The following ERBB4 variants were observed in gnomAD, a reference collection of about 807,000 sequenced individuals.
The protein encoded by ERBB4 is receptor tyrosine-protein kinase erbB-4.
ERBB4 carries 42 observed loss-of-function variants against 158.0 expected under a neutral mutation model. The ratio of observed to expected loss-of-function variants is 0.27; its 90% CI spans 0.21 to 0.34. The LOEUF (loss-of-function observed/expected upper bound fraction) is 0.34, where lower values mean the gene tolerates loss of function less well. Among genes scored for constraint, ERBB4 ranks in the 10% least tolerant of loss-of-function variants. ERBB4 has a pLI of 1.00. For synonymous variants in ERBB4, 583 were observed against 558.7 expected, an observed-to-expected ratio of 1.04 and a Z score of -0.61; for missense variants, 1,333 against 1,624.1, an observed-to-expected ratio of 0.82 and a Z score of 3.08.
At chr2:211,442,128 C>T (rs550234780) in intron 20 of ERBB4, among the ~76,000 whole-genome samples, 1 of 152,220 alleles carries the variant, frequency 6.6e-6, no homozygotes, top group African/African-American at 2.4e-5. Flanking sequence ...TCACCTTGAA[C>T]TCTATGGCCA....
At chr2:211,723,101 T>C (rs1575052097) in intron 6 of ERBB4, among the ~76,000 whole-genome samples, 1 of 152,352 alleles carries the variant, frequency 6.6e-6, no homozygotes, top group East Asian at 1.9e-4. Flanking sequence ...ACAGTTGGCC[T>C]GTAATTAAAT....
chr2:211,954,866 A>T (rs992105365), intron 2 of ERBB4, among the ~76,000 whole-genome samples: 1 of 152,096 alleles, frequency 6.6e-6, no homozygotes, highest in African/African-American at 2.4e-5. Flanking sequence ...ACATAGCATG[A>T]AAAAGTTTAC....
chr2:211,986,805 T>A (rs1007570163), intron 2 of ERBB4, among the ~76,000 whole-genome samples: 1 of 152,122 alleles, frequency 6.6e-6, no homozygotes, highest in Admixed American at 6.6e-5. Flanking sequence ...TTGCTGAAAA[T>A]TTTTACTAAT....
At chr2:211,729,905 G>T (rs748980306) in intron 5 of ERBB4, among the ~76,000 whole-genome samples, 1 of 151,606 alleles carries the variant, frequency 6.6e-6, no homozygotes, top group African/African-American at 2.4e-5. Context: ...TTTCATTGGC[G>T]GTATGCACTA....
At chr2:211,396,190 C>A (rs965579509) in intron 25 of ERBB4, among the ~76,000 whole-genome samples, 2 of 152,002 alleles carry the variant, frequency 1.3e-5, no homozygotes, top group African/African-American at 4.8e-5. Context: ...TGTGCATACA[C>A]ATGTATATGT....
At chr2:211,898,546 A>T (rs1235259911) in intron 3 of ERBB4, among the ~76,000 whole-genome samples, 1 of 152,174 alleles carries the variant, frequency 6.6e-6, no homozygotes, top group Non-Finnish European at 1.5e-5. Context: ...TCTATTCAAA[A>T]ACCATTTTCT....
intron 19 of ERBB4, among the ~76,000 whole-genome samples, chr2:211,612,507 G>A (rs1025655981): frequency 6.6e-6 from 1 of 151,940 alleles, no homozygotes; most frequent in Admixed American, 6.6e-5. Flanking sequence ...GCACACTTAA[G>A]CTGAGAAAAT....
At chr2:212,429,291 G>C (rs2091976677) in intron 1 of ERBB4, 1 of 152,014 alleles carries the variant, frequency 6.6e-6, no homozygotes, top group African/African-American at 2.4e-5. Context: ...TCCCTGCTGG[G>C]GCTTTCCAAA....
intron 1 of ERBB4, among the ~76,000 whole-genome samples, chr2:212,354,345 T>C (rs958615815): frequency 3.9e-5 from 6 of 152,060 alleles, no homozygotes; most frequent in Admixed American, 2.0e-4. Flanking sequence ...GCTTTGCAAT[T>C]ATTAATAGGT....
chr2:211,452,241 G>A (rs928994121), intron 20 of ERBB4, among the ~76,000 whole-genome samples: 9 of 152,036 alleles, frequency 5.9e-5, no homozygotes, highest in Admixed American at 1.3e-4. Flanking sequence ...GCAATGGCGC[G>A]ATCTCGGCTC....
chr2:211,555,045 A>G (rs889821294), intron 20 of ERBB4, among the ~76,000 whole-genome samples: 1 of 152,224 alleles, frequency 6.6e-6, no homozygotes, highest in Admixed American at 6.5e-5. Context: ...TAAAGCATCA[A>G]GAAGGCATAT....
At chr2:212,186,008 T>G in intron 1 of ERBB4, among the ~76,000 whole-genome samples, 1 of 152,326 alleles carries the variant, frequency 6.6e-6, no homozygotes, top group African/African-American at 2.4e-5. Context: ...TCAAAACAGC[T>G]ACGTTAGCAT....
Position 212,538,622 on chromosome 2 carries a change from G to A in ERBB4, c.-92C>T, listed in dbSNP as rs1693248658. 2 of 1,350,214 alleles carry A rather than the reference G, an allele frequency of 1.5e-6. No individual in the cohort carries two copies. Among genetic ancestry groups the A allele is most frequent in the Admixed American group, 1.7e-5 (1 of 58,220 alleles). 83.6% of individuals were successfully genotyped at this position (1,350,214 alleles called of 1,614,324 possible). On this transcript the variant is annotated 5_prime_UTR_variant, in exon 1 of 28. Coordinates refer to ENST00000342788, the MANE Select transcript of ERBB4 (RefSeq NM_005235.3). ...CGCGGAGGAGATCCCCCAGCCGGGC[G>A]CGCGTGGGGGTGCGAGGGGGGCGGG...
chr2:212,294,997 A>G lies in ERBB4; in HGVS notation c.83-170094T>C, dbSNP rs147284034. On this transcript the variant is annotated intron_variant, in intron 1 of 27. Coordinates refer to ENST00000342788, the MANE Select transcript of ERBB4 (RefSeq NM_005235.3). ...GGTCATACGTGGTAATATTTGCTGT[A>G]TGGTCTTGTGATGAGGCAGCATAGG... Among the ~76,000 whole-genome samples, 56 of 152,174 alleles carry G rather than the reference A, an allele frequency of 3.7e-4. 1 individual carries two copies. In the East Asian group the frequency reaches 0.01, roughly 28 times the overall value.
intron 1 of ERBB4, among the ~76,000 whole-genome samples, chr2:212,329,283 A>G (rs2106287545): frequency 6.6e-6 from 1 of 152,170 alleles, no homozygotes; most frequent in African/African-American, 2.4e-5. Context: ...AGGATAATTC[A>G]CACTTACTTA....
intron 13 of ERBB4, among the ~76,000 whole-genome samples, chr2:211,674,689 A>G (rs1004786098): frequency 6.6e-6 from 1 of 152,194 alleles, no homozygotes; most frequent in Admixed American, 6.5e-5. Context: ...TTCAGAATAT[A>G]AAAGTCCAAA....
intron 3 of ERBB4, among the ~76,000 whole-genome samples, chr2:211,857,298 G>A (rs1037359838): frequency 4.6e-5 from 7 of 152,084 alleles, no homozygotes; most frequent in Admixed American, 4.6e-4. Context: ...CCAATTAAAA[G>A]AAAAAATTTC....
At chr2:211,640,802 T>TA (rs2070552344) in intron 16 of ERBB4, among the ~76,000 whole-genome samples, 1 of 152,062 alleles carries the variant, frequency 6.6e-6, no homozygotes, top group Non-Finnish European at 1.5e-5. Context: ...TAAAAGGAGA[T>TA]ATGGTGAGAA....
intron 20 of ERBB4, among the ~76,000 whole-genome samples, chr2:211,488,337 G>T (rs77462436): frequency 6.6e-6 from 1 of 151,926 alleles, no homozygotes; most frequent in Non-Finnish European, 1.5e-5. Flanking sequence ...GGTACTTGCC[G>T]TATCTTACTT....
Sources: gnomAD v4.1 joint callset for allele counts (sites outside exome capture counted in the v4.1 genomes callset) on GRCh38, gnomAD v4.1.1 for gene constraint, MANE v1.5 for transcripts, NCBI Gene and HGNC (gene_info 2026-07-23, HGNC 2026-07-21) for gene names.